Variants in NTM observed in about 807,000 individuals in gnomAD.
NTM encodes neurotrimin, also known as IgLON family member 2.
NTM carries 13 observed loss-of-function variants against 42.1 expected under a neutral mutation model. That is an observed-to-expected ratio of 0.31 (90% CI 0.20 to 0.49). The LOEUF (loss-of-function observed/expected upper bound fraction) is 0.49, where lower values mean the gene tolerates loss of function less well. Among genes scored for constraint, NTM ranks in the 20% least tolerant of loss-of-function variants. The pLI is 0.99. For missense variants in NTM, 373 were observed against 452.8 expected, an observed-to-expected ratio of 0.82 and a Z score of 1.60; for synonymous variants, 187 against 179.2, an observed-to-expected ratio of 1.04 and a Z score of -0.35.
chr11:131,734,723 A>G (rs961876448), intron 1 of NTM, among the ~76,000 whole-genome samples: 3 of 152,194 alleles, frequency 2.0e-5, no homozygotes, highest in Admixed American at 2.0e-4. Flanking sequence ...TGTTGCCACT[A>G]TGAACATCAT....
intron 1 of NTM, among the ~76,000 whole-genome samples, chr11:131,641,070 A>G (rs933624976): frequency 6.6e-6 from 1 of 152,140 alleles, no homozygotes; most frequent in African/African-American, 2.4e-5. Flanking sequence ...CTCTGTGCTC[A>G]TTTGCTACTT....
At position 132,048,013 on chromosome 11, in the gene NTM, T is replaced by A. The variant is rs189536834; in HGVS notation, c.168-98269T>A. On this transcript the variant is annotated intron_variant, in intron 2 of 8. Coordinates refer to ENST00000683400, the MANE Select transcript of NTM (RefSeq NM_001352005.2). ...TAGTTCCTATTAACTTTTTTTTTTTTATATAGCTGAGTATGTCTGCGTGTG... is the reference window on the plus strand; with the variant it reads ...TAGTTCCTATTAACTTTTTTTTTTTAATATAGCTGAGTATGTCTGCGTGTG... Among the ~76,000 whole-genome samples the A allele has an allele frequency of 5.5e-4, 83 of 151,846 alleles. No individual in the cohort carries two copies. The East Asian group carries it at 0.013, about 24-fold the overall frequency.
chr11:131,860,206 G>A (rs1444452611), intron 1 of NTM, among the ~76,000 whole-genome samples: 1 of 152,190 alleles, frequency 6.6e-6, no homozygotes, highest in Non-Finnish European at 1.5e-5. Flanking sequence ...GACTGACGGG[G>A]CCCCCATGAC....
At chr11:132,300,224 T>C (rs954603879) in intron 4 of NTM, among the ~76,000 whole-genome samples, 3 of 152,306 alleles carry the variant, frequency 2.0e-5, no homozygotes, top group Admixed American at 2.0e-4. Flanking sequence ...TCAAGGATCA[T>C]GTGTATTAAA....
rs74843435 is a variant in NTM, at chr11:132,038,896, C to T, written c.168-107386C>T. The stretch of plus-strand genomic sequence containing the variant: ...GCGTGGAGCCTGTGGTCTCCACCTC[C>T]ACAATGCTCTACTTAGACCTCTGCT... On this transcript the variant is annotated intron_variant, in intron 2 of 8. Transcript: ENST00000683400. Among the ~76,000 whole-genome samples the T allele has an allele frequency of 3.9e-3, 594 of 152,324 alleles. 3 individuals carry two copies. The highest frequency in any genetic ancestry group is 0.014 in the African/African-American group (573 of 41,576).
chr11:131,995,303 G>A (rs571784101), intron 2 of NTM, among the ~76,000 whole-genome samples: 1 of 152,220 alleles, frequency 6.6e-6, no homozygotes, highest in South Asian at 2.1e-4. Context: ...CCAGGTGCTA[G>A]GATGCAAGCA....
intron 1 of NTM, among the ~76,000 whole-genome samples, chr11:131,785,706 A>G (rs2089041263): frequency 6.6e-6 from 1 of 152,216 alleles, no homozygotes; most frequent in Admixed American, 6.5e-5. Context: ...AGACTAAGAT[A>G]GAGACCTGAT....
chr11:132,323,492 T>A (rs918773784), intron 7 of NTM, among the ~76,000 whole-genome samples: 1 of 151,520 alleles, frequency 6.6e-6, no homozygotes, highest in South Asian at 2.1e-4. Context: ...GTTGAATCTC[T>A]GAATAGACCA....
At chr11:131,906,252 C>T (rs372022263) in intron 1 of NTM, among the ~76,000 whole-genome samples, 88 of 152,206 alleles carry the variant, frequency 5.8e-4, no homozygotes, top group South Asian at 1.4e-3. Context: ...GTCTCTCTCT[C>T]GGCCACAGAT....
chr11:132,023,743 T>C (rs2074726293), intron 2 of NTM, among the ~76,000 whole-genome samples: 1 of 151,448 alleles, frequency 6.6e-6, no homozygotes. Context: ...GTTTTGTTGT[T>C]GGTGGTGGTT....
At chr11:131,557,317 T>A (rs1370680189) in intron 1 of NTM, among the ~76,000 whole-genome samples, 1 of 152,116 alleles carries the variant, frequency 6.6e-6, no homozygotes, top group African/African-American at 2.4e-5. Context: ...CAGAAAGCAA[T>A]GGCCTTCACC....
rs114635980 is a variant in NTM, at chr11:132,136,124, G to A, written c.168-10158G>A. On this transcript the variant is annotated intron_variant, in intron 2 of 8. Transcript: ENST00000683400. ...AGGAGAGGCTTCTGTGGGCTCTACA[G>A]GATAGGGACAGAGAAGGATGAGCCT... Among the ~76,000 whole-genome samples the A allele has an allele frequency of 2.7e-3, 406 of 152,302 alleles. 1 individual carries two copies. Among genetic ancestry groups the A allele is most frequent in the African/African-American group, 8.7e-3 (363 of 41,548 alleles).
intron 1 of NTM, among the ~76,000 whole-genome samples, chr11:131,494,592 A>T (rs76896260): frequency 0.018 from 2,688 of 152,336 alleles, 237 homozygotes; most frequent in Admixed American, 0.15. Context: ...AACTCAGATG[A>T]TTGGTCACTC....
At chr11:132,157,682 A>C (rs1225818452) in intron 3 of NTM, among the ~76,000 whole-genome samples, 1 of 152,102 alleles carries the variant, frequency 6.6e-6, no homozygotes, top group Non-Finnish European at 1.5e-5. Context: ...TTTTTTCTCC[A>C]CTATGTGTCT....
intron 1 of NTM, among the ~76,000 whole-genome samples, chr11:131,828,444 T>C (rs1389073527): frequency 6.6e-6 from 1 of 151,786 alleles, no homozygotes; most frequent in Admixed American, 6.6e-5. Flanking sequence ...ACCACAACTT[T>C]CATCTACATT....
intron 3 of NTM, among the ~76,000 whole-genome samples, chr11:132,192,368 C>T (rs2079452286): frequency 6.6e-6 from 1 of 152,098 alleles, no homozygotes; most frequent in South Asian, 2.1e-4. Context: ...TCTGAGCATC[C>T]TAAAAGAAAA....
At chr11:132,201,245 T>C (rs923134640) in intron 3 of NTM, among the ~76,000 whole-genome samples, 6 of 152,222 alleles carry the variant, frequency 3.9e-5, no homozygotes, top group African/African-American at 9.6e-5. Flanking sequence ...GGGGTCTTGT[T>C]CCATTTCTAT....
chr11:131,842,867 C>T (rs1026939754), intron 1 of NTM, among the ~76,000 whole-genome samples: 25 of 151,908 alleles, frequency 1.6e-4, no homozygotes, highest in African/African-American at 5.6e-4. Context: ...AAAATTTAGT[C>T]GGGCGTGGTG....
chr11:131,855,614 G>C (rs1204786544), intron 1 of NTM, among the ~76,000 whole-genome samples: 1 of 152,174 alleles, frequency 6.6e-6, no homozygotes, highest in African/African-American at 2.4e-5. Context: ...ACACTTGATA[G>C]CCTTCATTTT....
Sources: gnomAD v4.1 joint callset for allele counts (sites outside exome capture counted in the v4.1 genomes callset) on GRCh38, gnomAD v4.1.1 for gene constraint, MANE v1.5 for transcripts, NCBI Gene and HGNC (gene_info 2026-07-23, HGNC 2026-07-21) for gene names.